The following DAB1 variants were observed in gnomAD, a reference collection of about 807,000 sequenced individuals.
The protein encoded by DAB1 is disabled homolog 1.
In DAB1, 15 loss-of-function variants were observed where a neutral mutation model predicts 64.6. The ratio of observed to expected loss-of-function variants is 0.23; its 90% CI spans 0.16 to 0.36. The LOEUF (loss-of-function observed/expected upper bound fraction) is 0.36. Among genes scored for constraint, DAB1 ranks in the 10% least tolerant of loss-of-function variants. The pLI, the probability that DAB1 is intolerant of heterozygous loss-of-function variation, is 1.00. For missense variants in DAB1, 596 were observed against 706.7 expected (o/e 0.84, Z 1.78); for synonymous variants, 235 against 251.9 (o/e 0.93, Z 0.64).
intron 4 of DAB1, among the ~76,000 whole-genome samples, chr1:58,252,860 A>C (rs1353412647): frequency 6.6e-6 from 1 of 152,204 alleles, no homozygotes; most frequent in African/African-American, 2.4e-5. Flanking sequence ...ATTGAGACCC[A>C]GAACTGTAGA....
intron 8 of DAB1, among the ~76,000 whole-genome samples, chr1:57,068,057 C>T (rs1357530065): frequency 2.0e-5 from 3 of 152,032 alleles, no homozygotes; most frequent in African/African-American, 4.8e-5. Context: ...CTCCCCACCC[C>T]GCCCCCACTG....
chr1:57,671,601 G>A (rs1425430726), intron 6 of DAB1, among the ~76,000 whole-genome samples: 2 of 152,034 alleles, frequency 1.3e-5, no homozygotes, highest in African/African-American at 2.4e-5. Context: ...CTTAACTGTA[G>A]ACCATCAGAC....
intron 6 of DAB1, among the ~76,000 whole-genome samples, chr1:57,781,712 A>G (rs1270248071): frequency 1.7e-5 from 1 of 57,900 alleles, no homozygotes; most frequent in Non-Finnish European, 3.5e-5. Flanking sequence ...AAAGCAATTG[A>G]GAAAAAAAAA....
At chr1:58,126,313 C>T (rs1653077554) in intron 5 of DAB1, among the ~76,000 whole-genome samples, 1 of 152,116 alleles carries the variant, frequency 6.6e-6, no homozygotes, top group Non-Finnish European at 1.5e-5. Context: ...AGCCAATTCC[C>T]CCAGGGCTCT....
At chr1:58,131,277 C>T (rs748972770) in intron 5 of DAB1, among the ~76,000 whole-genome samples, 124 of 141,254 alleles carry the variant, frequency 8.8e-4, no homozygotes, top group Non-Finnish European at 1.6e-3. Flanking sequence ...GCATTCTTCA[C>T]GTAGTTCTCG....
At chr1:57,716,920 G>T (rs965882052) in intron 6 of DAB1, among the ~76,000 whole-genome samples, 2 of 152,068 alleles carry the variant, frequency 1.3e-5, no homozygotes, top group Non-Finnish European at 1.5e-5. Context: ...ATGGGGAAAA[G>T]ACTTAAATAG....
chr1:58,533,913 G>A, intron 1 of DAB1: 1 of 851,684 alleles, frequency 1.2e-6, no homozygotes, highest in Non-Finnish European at 2.1e-6. Context: ...TAACTTCAAA[G>A]CAGTTTTTCC....
At position 58,218,182 on chromosome 1, in the gene DAB1, C is replaced by CA. The variant is rs550432037; in HGVS notation, n.310-67595dup. Among the ~76,000 whole-genome samples, 591 of 152,132 alleles carry CA rather than the reference C, an allele frequency of 3.9e-3. 11 individuals carry two copies. The highest frequency in any genetic ancestry group is 0.014 in the African/African-American group (563 of 41,492). On this transcript the variant is annotated intron_variant and non_coding_transcript_variant, in intron 4 of 20. Coordinates refer to the DAB1 transcript ENST00000485760. ...GAGAAAGGCTGACGTAAGAAAGAAA[C>CA]AGAGATTTGGGCAGCCTATGAAGAG...
At chr1:58,300,630 G>GAGAGAGAC (rs1662126618) in intron 4 of DAB1, among the ~76,000 whole-genome samples, 7 of 70,916 alleles carry the variant, frequency 9.9e-5, no homozygotes, top group African/African-American at 3.8e-4. Flanking sequence ...GAGAGAGAGA[G>GAGAGAGAC]AGAGAGAGAG....
At chr1:58,384,261 A>T (rs1215127354) in intron 3 of DAB1, among the ~76,000 whole-genome samples, 2 of 152,222 alleles carry the variant, frequency 1.3e-5, no homozygotes, top group African/African-American at 4.8e-5. Context: ...GGAAAAAAAA[A>T]TATGCTAAGT....
At chr1:57,547,017 A>G (rs1644863275) in intron 7 of DAB1, among the ~76,000 whole-genome samples, 1 of 152,188 alleles carries the variant, frequency 6.6e-6, no homozygotes, top group Non-Finnish European at 1.5e-5. Flanking sequence ...AACAAAACAC[A>G]AAAAAGGAAC....
At chr1:57,131,029 C>T (rs1255337575) in intron 4 of DAB1, among the ~76,000 whole-genome samples, 2 of 152,134 alleles carry the variant, frequency 1.3e-5, no homozygotes, top group African/African-American at 4.8e-5. Flanking sequence ...TATTTAGCAG[C>T]CTTGGCTTTT....
chr1:58,480,871 T>G (rs1357493942), intron 3 of DAB1: 8 of 695,534 alleles, frequency 1.2e-5, no homozygotes, highest in Non-Finnish European at 1.9e-5. Flanking sequence ...AATATCCTTT[T>G]TTTTTTCACT....
chr1:58,090,489 C>T (rs778654438), intron 5 of DAB1, among the ~76,000 whole-genome samples: 5 of 152,134 alleles, frequency 3.3e-5, no homozygotes, highest in Admixed American at 2.0e-4. Context: ...CTTTTGTTTA[C>T]CAATTGGCTA....
chr1:58,426,030 G>A (rs1013704193), intron 3 of DAB1, among the ~76,000 whole-genome samples: 3 of 152,134 alleles, frequency 2.0e-5, no homozygotes, highest in African/African-American at 7.2e-5. Flanking sequence ...GAGTGGAAAG[G>A]GTCCAAAGTA....
intron 7 of DAB1, among the ~76,000 whole-genome samples, chr1:57,546,098 T>TGTGCGC (rs869270008): frequency 2.2e-5 from 3 of 139,532 alleles, no homozygotes; most frequent in African/African-American, 8.4e-5. Flanking sequence ...TGTGTGTGTG[T>TGTGCGC]GCGCGCACGT....
intron 4 of DAB1, among the ~76,000 whole-genome samples, chr1:57,080,862 C>T (rs1253087539): frequency 3.3e-5 from 5 of 152,056 alleles, no homozygotes; most frequent in African/African-American, 1.2e-4. Context: ...GATGTGGCTA[C>T]GTATAATCAC....
At chr1:57,426,305 C>T (rs1251723714), upstream of DAB1, among the ~76,000 whole-genome samples, 1 of 152,116 alleles carries the variant, frequency 6.6e-6, no homozygotes, top group African/African-American at 2.4e-5. Flanking sequence ...TCAAGTCCAC[C>T]ACGGAAACTG....
At chr1:58,174,719 T>C (rs775805685) in intron 4 of DAB1, among the ~76,000 whole-genome samples, 3 of 152,112 alleles carry the variant, frequency 2.0e-5, no homozygotes, top group Non-Finnish European at 4.4e-5. Flanking sequence ...AGGATTGTAA[T>C]GTACCAATCA....
Sources: allele counts gnomAD v4.1 joint callset (sites outside exome capture counted in the v4.1 genomes callset), GRCh38; gene constraint gnomAD v4.1.1; transcripts MANE v1.5; gene names NCBI Gene and HGNC (gene_info 2026-07-23, HGNC 2026-07-21).